PLSCR4: variants seen among roughly 807,000 people sequenced by gnomAD.
PLSCR4 encodes Ca(2+)-dependent phospholipid scramblase 4.
Under a neutral mutation model 36.3 loss-of-function variants are expected in PLSCR4, and 25 were observed. The ratio of observed to expected loss-of-function variants is 0.69; its 90% CI spans 0.50 to 0.96. The LOEUF (loss-of-function observed/expected upper bound fraction) is 0.96. Among genes scored for constraint, PLSCR4 ranks in the 40% least tolerant of loss-of-function variants. The pLI, the probability that PLSCR4 is intolerant of heterozygous loss-of-function variation, is 0.00. For synonymous variants in PLSCR4, 122 were observed against 132.9 expected (o/e 0.92, Z 0.56); for missense variants, 408 against 414.7 (o/e 0.98, Z 0.14).
chr3:146,223,315 A>G (rs2035261499), intron 1 of PLSCR4, among the ~76,000 whole-genome samples: 2 of 152,190 alleles, frequency 1.3e-5, no homozygotes, highest in African/African-American at 4.8e-5. Context: ...AGTTCTGAGT[A>G]ATGACAAATA....
chr3:146,206,780 A>G lies in PLSCR4; in HGVS notation c.119-19T>C, dbSNP rs772185977. 24 of 1,460,954 alleles carry G rather than the reference A, an allele frequency of 1.6e-5. No homozygotes were observed. The highest frequency in any genetic ancestry group is 4.9e-5 in the East Asian group (2 of 40,492). The allele number at this position is 1,460,954 out of a possible 1,614,324, so 90.5% of individuals were successfully genotyped here. A position where few individuals can be genotyped will look rare whatever the true frequency, so the allele number is the denominator to read the frequency against. On this transcript the variant is annotated intron_variant, in intron 3 of 8. Transcript: ENST00000354952. ...GGGGGTCCTGTGTTCAAAAGAAATCAAAGTGTTATATATTATTAACACTAA... is the reference window on the plus strand; with the variant it reads ...GGGGGTCCTGTGTTCAAAAGAAATCGAAGTGTTATATATTATTAACACTAA...
intron 2 of PLSCR4, 125 bp downstream of exon 2, chr3:146,221,940 C>T (rs2035165559): frequency 2.1e-6 from 1 of 468,396 alleles, no homozygotes; most frequent in South Asian, 3.4e-5. Flanking sequence ...CAAACACACA[C>T]ACGTATTTAT....
intron 1 of PLSCR4, among the ~76,000 whole-genome samples, chr3:146,237,156 AAAG>A (rs2035952607): frequency 1.3e-5 from 2 of 152,208 alleles, no homozygotes; most frequent in Non-Finnish European, 2.9e-5. Flanking sequence ...TGTGTTAACC[AAAG>A]AAGAGCTGCA....
At chr3:146,217,222 T>G (rs1006733350) in intron 3 of PLSCR4, among the ~76,000 whole-genome samples, 7 of 152,168 alleles carry the variant, frequency 4.6e-5, no homozygotes, top group African/African-American at 1.4e-4. Context: ...GGTAGATGCA[T>G]AGCATGTTAA....
rs1029638287 is a variant in PLSCR4, at chr3:146,192,757, T to C, written c.*1654A>G. ...AGGAAATACATAGTCTACTTACGAT[T>C]GCAATGGCACTTTCAAATATAAGGC... On this transcript the variant is annotated 3_prime_UTR_variant, in exon 9 of 9. Transcript: ENST00000354952. The C allele has an allele frequency of 2.0e-5, 3 of 152,110 alleles. No individual in the cohort carries two copies. Among genetic ancestry groups the C allele is most frequent in the Non-Finnish European group, 4.4e-5 (3 of 67,980 alleles). The allele number at this position is 152,110 out of a possible 1,614,324, so 9.4% of individuals were successfully genotyped here.
chr3:146,216,387 AC>A (rs1206743178), intron 3 of PLSCR4, among the ~76,000 whole-genome samples: 1 of 152,112 alleles, frequency 6.6e-6, no homozygotes, highest in Non-Finnish European at 1.5e-5. Flanking sequence ...CCTGGATACT[AC>A]CCAGATCTGG....
At chr3:146,240,559 T>C (rs1055610298) in intron 1 of PLSCR4, among the ~76,000 whole-genome samples, 26 of 152,200 alleles carry the variant, frequency 1.7e-4, no homozygotes, top group African/African-American at 6.3e-4. Flanking sequence ...GAGCTATGAC[T>C]GTGTCTGCAT....
rs1265727887 is a variant in PLSCR4, at chr3:146,194,422, G to A, written c.979C>T (p.Arg327Cys). The change falls in exon 9 of 9, where the codon CGT becomes TGT. Residue 327 changes from arginine (R) to cysteine (C), a missense_variant. By Grantham distance (180) the Arg-to-Cys change is radical (BLOSUM62 -3). Coordinates refer to ENST00000354952, the MANE Select transcript of PLSCR4 (RefSeq NM_020353.3). ...FMYFERSPPQ[R>C]SR is the part of the protein sequence containing the mutation. Reference sequence around the variant, plus strand: ...CTTGCTGTGTCTCTCTATCTTGAACGTTGTGGTGGAGATCTTTCAAAATAC... The same window carrying A: ...CTTGCTGTGTCTCTCTATCTTGAACATTGTGGTGGAGATCTTTCAAAATAC... 9.3e-6 allele frequency: 15 copies of A among 1,607,468 alleles called. No individual in the cohort carries two copies. The highest frequency in any genetic ancestry group is 2.2e-5 in the East Asian group (1 of 44,820).
intron 1 of PLSCR4, among the ~76,000 whole-genome samples, chr3:146,243,203 T>G (rs1251541658): frequency 6.6e-6 from 1 of 152,146 alleles, no homozygotes; most frequent in Non-Finnish European, 1.5e-5. Context: ...CTTCTCAAAC[T>G]CCTGCTAACA....
intron 6 of PLSCR4, among the ~76,000 whole-genome samples, chr3:146,198,883 A>C (rs1372748831): frequency 3.9e-5 from 6 of 152,184 alleles, no homozygotes; most frequent in Non-Finnish European, 8.8e-5. Flanking sequence ...TCACAAAGAC[A>C]ATAATAACAA....
chr3:146,196,074 T>G (rs1298444391), intron 7 of PLSCR4, among the ~76,000 whole-genome samples: 1 of 152,186 alleles, frequency 6.6e-6, no homozygotes, highest in Non-Finnish European at 1.5e-5. Flanking sequence ...GAACCAGCAT[T>G]TTGTAGCCAG....
intron 1 of PLSCR4, among the ~76,000 whole-genome samples, chr3:146,243,769 A>G (rs1345366071): frequency 6.6e-6 from 1 of 152,216 alleles, no homozygotes; most frequent in African/African-American, 2.4e-5. Context: ...CGGACTCCAG[A>G]GGAAACATTC....
At chr3:146,243,276 G>C (rs1471379184) in intron 1 of PLSCR4, among the ~76,000 whole-genome samples, 1 of 151,702 alleles carries the variant, frequency 6.6e-6, no homozygotes, top group Non-Finnish European at 1.5e-5. Context: ...GGGTACATGT[G>C]CACAACATGC....
intron 3 of PLSCR4, among the ~76,000 whole-genome samples, chr3:146,218,411 A>T (rs1047495457): frequency 3.3e-5 from 5 of 151,976 alleles, no homozygotes; most frequent in African/African-American, 1.2e-4. Flanking sequence ...CTCATGTTAT[A>T]AAATTTGAAG....
chr3:146,219,330 T>C (rs1448234958), intron 3 of PLSCR4, among the ~76,000 whole-genome samples: 1 of 152,160 alleles, frequency 6.6e-6, no homozygotes, highest in Non-Finnish European at 1.5e-5. Context: ...GGGTCTAGGT[T>C]TTTGGATATA....
intron 1 of PLSCR4, among the ~76,000 whole-genome samples, chr3:146,222,993 C>T (rs1454697660): frequency 1.3e-5 from 2 of 151,880 alleles, no homozygotes; most frequent in Non-Finnish European, 2.9e-5. Flanking sequence ...GAGTCATAGC[C>T]CAAGGTAACT....
intron 3 of PLSCR4, among the ~76,000 whole-genome samples, chr3:146,210,190 G>A (rs979427350): frequency 4.0e-5 from 6 of 151,842 alleles, no homozygotes; most frequent in Non-Finnish European, 5.9e-5. Flanking sequence ...AATTTTTATT[G>A]TCATTTTTAA....
At chr3:146,224,413 G>A (rs9870686) in intron 1 of PLSCR4, among the ~76,000 whole-genome samples, 55,221 of 151,950 alleles carry the variant, frequency 0.36, 10,124 homozygotes, top group African/African-American at 0.41. Context: ...TGGTCTCACT[G>A]ACTTCAAGAA....
At chr3:146,239,432 T>C (rs2107844597) in intron 1 of PLSCR4, among the ~76,000 whole-genome samples, 1 of 151,408 alleles carries the variant, frequency 6.6e-6, no homozygotes, top group South Asian at 2.1e-4. Context: ...TTTGCATTTA[T>C]GGGTAATTGA....
Sources: allele counts gnomAD v4.1 joint callset (sites outside exome capture counted in the v4.1 genomes callset), GRCh38; gene constraint gnomAD v4.1.1; transcripts MANE v1.5; gene names NCBI Gene and HGNC (gene_info 2026-07-23, HGNC 2026-07-21).